Variants in SMARCA1 observed in about 807,000 individuals in gnomAD.
SMARCA1 encodes the protein SNF2 related chromatin remodeling ATPase 1.
SMARCA1 carries 17 observed loss-of-function variants against 93.6 expected under a neutral mutation model. The observed-to-expected ratio is 0.18, with a 90% CI of 0.12 to 0.27. SMARCA1 has a LOEUF of 0.27. Among genes scored for constraint, SMARCA1 ranks in the 10% least tolerant of loss-of-function variants. SMARCA1 has a pLI of 1.00. For synonymous variants in SMARCA1, 271 were observed against 271.4 expected, an observed-to-expected ratio of 1.00 and a Z score of 0.01; for missense variants, 630 against 819.0, an observed-to-expected ratio of 0.77 and a Z score of 2.82.
Position 129,506,101 on chromosome X carries a change from A to C in SMARCA1, c.1077T>G (p.Pro359=), listed in dbSNP as rs781687368. 3 of 1,198,894 alleles carry C rather than the reference A, an allele frequency of 2.5e-6. No individual in the cohort carries two copies. The highest frequency in any genetic ancestry group is 3.4e-6 in the Non-Finnish European group (3 of 885,894). Residue 359 remains proline, a synonymous_variant, in exon 8 of 25, where the codon CCT becomes CCG. Coordinates refer to ENST00000371121, the MANE Select transcript of SMARCA1 (RefSeq NM_001282874.2). ...TTACATCTGCAGAATTAAAGACATC[A>C]GGCAATAAAAAGTTGAGTAAGGCCC... The part of the protein sequence containing the change: ...ELWALLNFLL[P]DVFNSADDFD...
At chrX:129,514,161 C>CA (rs1204933067) in intron 5 of SMARCA1, among the ~76,000 whole-genome samples, 2 of 111,941 alleles carry the variant, frequency 1.8e-5, no homozygotes, top group African/African-American at 6.5e-5. Flanking sequence ...TAAAAAAATA[C>CA]AAAAAATTAG....
chrX:129,500,948 A>T (rs1166804671), intron 9 of SMARCA1, among the ~76,000 whole-genome samples: 1 of 112,581 alleles, frequency 8.9e-6, no homozygotes, highest in Non-Finnish European at 1.9e-5. Flanking sequence ...AAAAAAAGAT[A>T]AAATAGTCAG....
At chrX:129,520,776 T>A (rs1353263548) in intron 1 of SMARCA1, among the ~76,000 whole-genome samples, 1 of 112,810 alleles carries the variant, frequency 8.9e-6, no homozygotes, top group Non-Finnish European at 1.9e-5. Context: ...GTTACACCTA[T>A]AATCTTTATC....
chrX:129,495,390 C>T (rs1002724455), intron 12 of SMARCA1, among the ~76,000 whole-genome samples: 1 of 112,020 alleles, frequency 8.9e-6, no homozygotes. Flanking sequence ...GGGTCTTGTC[C>T]TGTCACACAG....
At chrX:129,482,109 C>T (rs1346970245) in intron 17 of SMARCA1, among the ~76,000 whole-genome samples, 1 of 87,827 alleles carries the variant, frequency 1.1e-5, no homozygotes, top group African/African-American at 4.3e-5. Context: ...CATATTCTCA[C>T]TCATAGGTGG....
At chrX:129,489,189 T>A in intron 15 of SMARCA1, 104 bp from the exon 16 acceptor site, 1 of 482,916 alleles carries the variant, frequency 2.1e-6, no homozygotes, top group Non-Finnish European at 3.3e-6. Flanking sequence ...CATAAAGCTT[T>A]AAAGAACAAA....
At chrX:129,509,283 A>G (rs1934941037) in intron 6 of SMARCA1, among the ~76,000 whole-genome samples, 2 of 111,360 alleles carry the variant, frequency 1.8e-5, no homozygotes, top group Non-Finnish European at 3.8e-5. Context: ...ATTCACAACT[A>G]TGCACTAAAC....
At position 129,488,303 on chromosome X, in the gene SMARCA1, A is replaced by G. The variant is rs1284317338; in HGVS notation, c.2097+634T>C. Among the ~76,000 whole-genome samples, 3 of 108,643 alleles carry G rather than the reference A, an allele frequency of 2.8e-5. No homozygotes were observed. The Admixed American group carries it at 3.0e-4, about 11-fold the overall frequency. 94.3% of individuals were successfully genotyped at this position (108,643 alleles called of 115,157 possible). ...GTCCAGTGCAAAAAAAAAAAAAAAA[A>G]AAAGATTATAAAAATACAGTCCTGG... is the stretch of plus-strand genomic sequence containing the variant. On this transcript the variant is annotated intron_variant, in intron 16 of 24. Transcript: ENST00000371121.
At chrX:129,453,953 T>C (rs1214396132) in intron 23 of SMARCA1, among the ~76,000 whole-genome samples, 2 of 111,832 alleles carry the variant, frequency 1.8e-5, no homozygotes, top group African/African-American at 6.5e-5. Flanking sequence ...TTAAATTTCA[T>C]ATGGAACCAA....
intron 23 of SMARCA1, among the ~76,000 whole-genome samples, chrX:129,457,748 T>C (rs1442065649): frequency 3.6e-5 from 4 of 112,083 alleles, no homozygotes; most frequent in Non-Finnish European, 7.5e-5. Context: ...TGCTACCTCA[T>C]GGTTTCCAAA....
At chrX:129,505,078 G>C (rs1251064577) in intron 8 of SMARCA1, among the ~76,000 whole-genome samples, 1 of 111,471 alleles carries the variant, frequency 9.0e-6, no homozygotes, top group African/African-American at 3.3e-5. Context: ...ATTATATCTA[G>C]TTTGAAAAGT....
At position 129,447,136 on chromosome X, in the gene SMARCA1, C is replaced by G; in HGVS notation, c.*26G>C. On this transcript the variant is annotated 3_prime_UTR_variant, in exon 25 of 25. Transcript: ENST00000371121. ...GATGGGAACAAGAAAATAGCAGTTTCCCATTTAAAACTTTATTTCTAGGCT... is the reference window on the plus strand; with the variant it reads ...GATGGGAACAAGAAAATAGCAGTTTGCCATTTAAAACTTTATTTCTAGGCT... 1 of 1,122,959 alleles carries G rather than the reference C, an allele frequency of 8.9e-7. No individual in the cohort carries two copies. The highest frequency in any genetic ancestry group is 1.2e-6 in the Non-Finnish European group (1 of 846,383). The allele number at this position is 1,122,959 out of a possible 1,213,427, so 92.5% of individuals were successfully genotyped here. A position where few individuals can be genotyped will look rare whatever the true frequency, so the allele number is the denominator to read the frequency against.
At chrX:129,476,355 C>A (rs1933384579) in intron 19 of SMARCA1, among the ~76,000 whole-genome samples, 1 of 111,751 alleles carries the variant, frequency 8.9e-6, no homozygotes, top group African/African-American at 3.3e-5. Flanking sequence ...TTATTATCAG[C>A]AATATTGCTG....
At chrX:129,454,687 T>C (rs182010578) in intron 23 of SMARCA1, among the ~76,000 whole-genome samples, 264 of 111,960 alleles carry the variant, frequency 2.4e-3, no homozygotes, top group African/African-American at 8.1e-3. Context: ...AGGGTACATG[T>C]GCACAACATG....
In SMARCA1 at chrX:129,463,598, T is replaced by A. The variant is rs777643805; in HGVS notation, c.3030+1922A>T. On this transcript the variant is annotated intron_variant, in intron 23 of 24. Transcript: ENST00000371121. ...TGTACCTTGCTAACATATATATCTT[T>A]TCATATTCTTTTGTACAAGTATAGC... Among the ~76,000 whole-genome samples, 136 of 112,059 alleles carry A rather than the reference T, an allele frequency of 1.2e-3. 1 individual carries two copies. Among genetic ancestry groups the A allele is most frequent in the Non-Finnish European group, 2.3e-3 (123 of 53,247 alleles).
At chrX:129,466,206 T>TA (rs1444004627) in intron 21 of SMARCA1, among the ~76,000 whole-genome samples, 9 of 111,567 alleles carry the variant, frequency 8.1e-5, no homozygotes, top group Non-Finnish European at 1.7e-4. Context: ...TACGGAGTCT[T>TA]ACGATCCATC....
chrX:129,460,378 T>G (rs1932786781), intron 23 of SMARCA1, among the ~76,000 whole-genome samples: 1 of 110,716 alleles, frequency 9.0e-6, no homozygotes, highest in Non-Finnish European at 1.9e-5. Flanking sequence ...CCGGGCACGG[T>G]GTCTCATGCC....
chrX:129,514,352 C>T (rs745918012), intron 5 of SMARCA1, among the ~76,000 whole-genome samples: 1 of 111,885 alleles, frequency 8.9e-6, no homozygotes, highest in African/African-American at 3.2e-5. Context: ...CCCCCTTTAG[C>T]TGATGAATTA....
chrX:129,519,178 T>C (rs1935305906), intron 1 of SMARCA1, among the ~76,000 whole-genome samples: 1 of 111,763 alleles, frequency 8.9e-6, no homozygotes, highest in African/African-American at 3.2e-5. Flanking sequence ...CATCAATCAA[T>C]AACTTAATAT....
Sources: gnomAD v4.1 joint callset for allele counts (sites outside exome capture counted in the v4.1 genomes callset) on GRCh38, gnomAD v4.1.1 for gene constraint, MANE v1.5 for transcripts, NCBI Gene and HGNC (gene_info 2026-07-23, HGNC 2026-07-21) for gene names.